Variants in PRRC2A observed in about 807,000 individuals in gnomAD.
PRRC2A encodes proline rich coiled-coil 2A.
PRRC2A carries 59 observed loss-of-function variants against 224.6 expected under a neutral mutation model. The ratio of observed to expected loss-of-function variants is 0.26; its 90% CI spans 0.21 to 0.33. The LOEUF (loss-of-function observed/expected upper bound fraction) is 0.33, where lower values mean the gene tolerates loss of function less well. Among genes scored for constraint, PRRC2A ranks in the 10% least tolerant of loss-of-function variants. The pLI is 1.00. For synonymous variants in PRRC2A, 1,194 were observed against 1,109.5 expected (o/e 1.08, Z -1.51); for missense variants, 3,095 against 2,880.7 (o/e 1.07, Z -1.70).
Position 31,627,147 on chromosome 6 carries a change from C to T in PRRC2A, c.1239C>T (p.Pro413=), listed in dbSNP as rs1182234321. 4.3e-6 allele frequency: 7 copies of T among 1,613,424 alleles called. No homozygotes were observed. The highest frequency in any genetic ancestry group is 4.5e-5 in the East Asian group (2 of 44,890). Reference sequence around the variant, plus strand: ...CTCCTGCCCCAAAGCCTCCCCTACCCCCACCTCACCGGGGCCCCGCCGGGA... The same window carrying T: ...CTCCTGCCCCAAAGCCTCCCCTACCTCCACCTCACCGGGGCCCCGCCGGGA... ...PGPPAPKPPL[P]PPHRGPAGNW... Residue 413 remains proline, a synonymous_variant, in exon 11 of 31, where the codon CCC becomes CCT. Transcript: ENST00000376033. The surrounding 1 kb of genome is among the most constrained non-coding windows in gnomAD (Gnocchi z 5.6).
In PRRC2A at chr6:31,631,499, A is replaced by C. The variant is rs915536625; in HGVS notation, c.2826A>C (p.Pro942=). 1.2e-6 allele frequency: 2 copies of C among 1,604,864 alleles called. No homozygotes were observed. The highest frequency in any genetic ancestry group is 1.7e-5 in the Admixed American group (1 of 57,532). Residue 942 remains proline, a synonymous_variant, in exon 16 of 31, where the codon CCA becomes CCC. Transcript: ENST00000376033. This position sits in a 1 kb window ranked among gnomAD's most constrained non-coding sequence, Gnocchi z 4.5. ...GTCGTGGAATCCCTCCAGAGGAGCC[A>C]GGGGCCCCACCCCGCCGGGCTGGGC... The part of the protein sequence containing the change: ...SSRRGIPPEE[P]GAPPRRAGPI...
Position 31,632,435 on chromosome 6 carries a change from G to A in PRRC2A, c.3762G>A (p.Pro1254=), listed in dbSNP as rs779126365. 1.1e-5 allele frequency: 17 copies of A among 1,605,410 alleles called. No individual in the cohort carries two copies. The highest frequency in any genetic ancestry group is 5.1e-5 in the Admixed American group (3 of 59,400). Residue 1254 remains proline, a synonymous_variant, in exon 16 of 31, where the codon CCG becomes CCA. Transcript: ENST00000376033. ...GGAGGGCTCAGCAGCAGGATAAACC[G>A]CCTCGTTTCCGGAGGCTGAAGCAGG... ...RHGRAQQQDK[P]PRFRRLKQER... is the part of the protein sequence containing the mutation.
At position 31,631,921 on chromosome 6, in the gene PRRC2A, C is replaced by A; in HGVS notation, c.3248C>A (p.Thr1083Asn). ...PNHPPAPRGR[T>N]ASETRSEGSE... ...CACCCTCCTGCTCCCCGAGGCCGCA[C>A]TGCCAGCGAGACACGGAGCGAGGGT... Residue 1083 changes from threonine to asparagine, a missense_variant, in exon 16 of 31, where the codon ACT becomes AAT. Thr to Asn is a moderately conservative substitution (Grantham distance 65). This residue lies in a region of PRRC2A where 2,001 missense variants were observed against 1,764.9 expected (regional missense o/e 1.13). Coordinates refer to ENST00000376033, the MANE Select transcript of PRRC2A (RefSeq NM_004638.4). This position sits in a 1 kb window ranked among gnomAD's most constrained non-coding sequence, Gnocchi z 4.5. 6.2e-7 allele frequency: 1 copy of A among 1,612,868 alleles called. No homozygotes were observed. Among genetic ancestry groups the A allele is most frequent in the Non-Finnish European group, 8.5e-7 (1 of 1,179,962 alleles).
intron 12 of PRRC2A, chr6:31,628,656 A>G (rs1179108909): frequency 2.2e-5 from 5 of 231,736 alleles, no homozygotes; most frequent in Non-Finnish European, 4.2e-5. Context: ...AGCCTGGCCA[A>G]CATAGTGAAA....
Position 31,631,142 on chromosome 6 carries a change from C to A in PRRC2A, c.2469C>A (p.Ser823Arg). Residue 823 changes from serine (S) to arginine (R), a missense_variant, in exon 16 of 31, where the codon AGC (serine) becomes AGA (arginine). This residue lies in a region of PRRC2A where 2,001 missense variants were observed against 1,764.9 expected (regional missense o/e 1.13). Transcript: ENST00000376033. The surrounding 1 kb of genome is among the most constrained non-coding windows in gnomAD (Gnocchi z 4.5). ...TTCTTTCTGTCTGTCTCTTCAGGAG[C>A]GAGACTCCTCCAGTACCTCCCCCAC... The part of the protein sequence containing the change: ...AADEDDKGMR[S>R]ETPPVPPPPP... The A allele has an allele frequency of 6.7e-7, 1 of 1,503,662 alleles. No individual in the cohort carries two copies. The highest frequency in any genetic ancestry group is 8.9e-7 in the Non-Finnish European group (1 of 1,119,036). The allele number at this position is 1,503,662 out of a possible 1,614,324, so 93.1% of individuals were successfully genotyped here.
intron 2 of PRRC2A, chr6:31,623,259 A>ATTTTTTTTTTTTT (rs3993756): frequency 3.8e-6 from 1 of 265,700 alleles, no homozygotes; most frequent in African/African-American, 4.0e-5. Flanking sequence ...GATTTCATAG[A>ATTTTTTTTTTTTT]TTTTTTTTTT....
At chr6:31,623,022 C>A in intron 2 of PRRC2A, 121 bp downstream of exon 2, 1 of 891,298 alleles carries the variant, frequency 1.1e-6, no homozygotes, top group South Asian at 1.3e-5. Flanking sequence ...GAGGAGATTT[C>A]CCAACTTTAC....
At chr6:31,634,026 C>T (rs1430667084) in intron 18 of PRRC2A, 37 bp downstream of exon 18, 1 of 1,590,248 alleles carries the variant, frequency 6.3e-7, no homozygotes. Flanking sequence ...TCACTGCACT[C>T]TTACTCGTGA....
chr6:31,630,239 C>T (rs1171870872), intron 14 of PRRC2A, among the ~76,000 whole-genome samples: 3 of 152,196 alleles, frequency 2.0e-5, no homozygotes, highest in Non-Finnish European at 2.9e-5. Flanking sequence ...AACGCTTGAA[C>T]CCAGGAGGTG....
At chr6:31,624,400 C>G in intron 4 of PRRC2A, 40 bp downstream of exon 4, 1 of 1,607,374 alleles carries the variant, frequency 6.2e-7, no homozygotes, top group Non-Finnish European at 8.5e-7. Context: ...AAGAATGGTT[C>G]ATAGCTGCCC....
rs994060219 is a variant in PRRC2A, at chr6:31,629,686, C to A, written c.2095C>A (p.Pro699Thr). ...AVPAPQAPPP[P>T]PKALYPGALG... ...GCCAGCTCCACAGGCTCCACCCCCG[C>A]CCCCCAAGGCCCTGTACCCAGGTGC... The change falls in exon 14 of 31, where the codon CCC becomes ACC. Residue 699 changes from proline to threonine, a missense_variant. Physicochemically the swap from Pro to Thr is conservative, Grantham distance 38. Around this residue, in one of 8 missense-constraint regions of PRRC2A, gnomAD observed 2,001 missense variants for 1,764.9 expected, o/e 1.13. Coordinates refer to ENST00000376033, the MANE Select transcript of PRRC2A (RefSeq NM_004638.4). 1.3e-6 allele frequency: 2 copies of A among 1,598,922 alleles called. No homozygotes were observed. Among genetic ancestry groups the A allele is most frequent in the South Asian group, 1.1e-5 (1 of 89,942 alleles).
rs1777210578 is a variant in PRRC2A at position 31,635,379 on chromosome 6, TTC to T, written c.5302-13_5302-12del. 6.2e-7 allele frequency: 1 copy of T among 1,614,050 alleles called. No homozygotes were observed. Among genetic ancestry groups the T allele is most frequent in the South Asian group, 1.1e-5 (1 of 91,094 alleles). On this transcript the variant is annotated splice_polypyrimidine_tract_variant and intron_variant, in intron 22 of 30. Coordinates refer to ENST00000376033, the MANE Select transcript of PRRC2A (RefSeq NM_004638.4). Reference sequence around the variant, plus strand: ...CTGTCACGGGACAATGTCTCCTGCCTTCTTGTGATCACAGGACTCAGACTTAC... The same window carrying T: ...CTGTCACGGGACAATGTCTCCTGCCTTTGTGATCACAGGACTCAGACTTAC...
Position 31,625,415 on chromosome 6 carries a change from G to T in PRRC2A, c.608-45G>T, listed in dbSNP as rs769719772. On this transcript the variant is annotated intron_variant, in intron 6 of 30. Transcript: ENST00000376033. This position sits in a 1 kb window ranked among gnomAD's most constrained non-coding sequence, Gnocchi z 4.1. Reference sequence around the variant, plus strand: ...CCATCACTTTCAGCTGTGTTCACTTGTCCTCCAATCATTGATACCTCTCTC... The same window carrying T: ...CCATCACTTTCAGCTGTGTTCACTTTTCCTCCAATCATTGATACCTCTCTC... 5.3e-5 allele frequency: 85 copies of T among 1,609,928 alleles called. No individual in the cohort carries two copies. Among genetic ancestry groups the T allele is most frequent in the Non-Finnish European group, 7.1e-5 (84 of 1,176,396 alleles).
chr6:31,625,146 C>T lies in PRRC2A; in HGVS notation c.464-25C>T, dbSNP rs985453066. The stretch of plus-strand genomic sequence containing the variant: ...GTCCTCAGGAAATGTCTTCTGTCTC[C>T]TGTTCTGCATCCCCATCCTAATAGG... On this transcript the variant is annotated intron_variant, in intron 5 of 30. Transcript: ENST00000376033. The surrounding 1 kb of genome is among the most constrained non-coding windows in gnomAD (Gnocchi z 4.1). 3 of 1,603,876 alleles carry T rather than the reference C, an allele frequency of 1.9e-6. No individual in the cohort carries two copies. Among genetic ancestry groups the T allele is most frequent in the African/African-American group, 1.3e-5 (1 of 74,726 alleles).
rs1458299457 is a variant in PRRC2A, at chr6:31,627,974, T to C, written c.1500T>C (p.Pro500=). 1.9e-6 allele frequency: 3 copies of C among 1,613,006 alleles called. No homozygotes were observed. The highest frequency in any genetic ancestry group is 2.5e-6 in the Non-Finnish European group (3 of 1,180,022). Residue 500 remains proline (P), a synonymous_variant, in exon 12 of 31, where the codon CCT becomes CCC. Coordinates refer to ENST00000376033, the MANE Select transcript of PRRC2A (RefSeq NM_004638.4). This position sits in a 1 kb window ranked among gnomAD's most constrained non-coding sequence, Gnocchi z 5.6. ...GACTCGATGAAAAGTTTGGGGCACCTGACAAGCGGCTCAAAGCAGAGCCTG... is the reference window on the plus strand; with the variant it reads ...GACTCGATGAAAAGTTTGGGGCACCCGACAAGCGGCTCAAAGCAGAGCCTG... The part of the protein sequence containing the change: ...LKRLDEKFGA[P]DKRLKAEPAA...
At chr6:31,621,217 GGC>G (rs1775243377) in intron 1 of PRRC2A, among the ~76,000 whole-genome samples, 2 of 137,960 alleles carry the variant, frequency 1.4e-5, no homozygotes, top group South Asian at 4.8e-4. Flanking sequence ...CGTGGTGGTG[GGC>G]CGCGCCCGAC....
chr6:31,629,315 G>A lies in PRRC2A; in HGVS notation c.1937G>A (p.Arg646His). The A allele has an allele frequency of 1.3e-6, 2 of 1,567,978 alleles. No individual in the cohort carries two copies. The highest frequency in any genetic ancestry group is 1.7e-6 in the Non-Finnish European group (2 of 1,157,796). The change falls in exon 13 of 31, where the codon CGT becomes CAT. Residue 646 changes from arginine to histidine, a missense_variant. Arg to His is a conservative substitution (Grantham distance 29). Around this residue, in one of 8 missense-constraint regions of PRRC2A, gnomAD observed 2,001 missense variants for 1,764.9 expected, o/e 1.13. Coordinates refer to ENST00000376033, the MANE Select transcript of PRRC2A (RefSeq NM_004638.4). ...AAATATCAGAAGTCGTTGCCTCCTC[G>A]TTTCCAGCGGCAGCAGCAGGTGAAA... The part of the protein sequence containing the change: ...YPKYQKSLPP[R>H]FQRQQQEQLL...
intron 14 of PRRC2A, 58 bp downstream of exon 14, chr6:31,629,903 A>G: frequency 6.3e-7 from 1 of 1,597,256 alleles, no homozygotes; most frequent in South Asian, 1.1e-5. Flanking sequence ...TAGGCATTGG[A>G]TATTAGGGTC....
Position 31,626,137 on chromosome 6 carries a change from T to A in PRRC2A, c.957T>A (p.Asp319Glu). 4 of 1,612,810 alleles carry A rather than the reference T, an allele frequency of 2.5e-6. No individual in the cohort carries two copies. Among genetic ancestry groups the A allele is most frequent in the Non-Finnish European group, 3.4e-6 (4 of 1,179,924 alleles). ...EDNLKEFDQL[D>E]QENDDGWAGA... is the part of the protein sequence containing the mutation. The stretch of plus-strand genomic sequence containing the variant: ...ATCTCAAAGAGTTTGATCAGTTGGA[T>A]CAGGAGAATGATGATGGTTGGGCAG... Residue 319 changes from aspartate to glutamate, a missense_variant, in exon 9 of 31, where the codon GAT (aspartate) becomes GAA (glutamate). Asp to Glu is a conservative substitution (Grantham distance 45). Around this residue, in one of 8 missense-constraint regions of PRRC2A, gnomAD observed 287 missense variants for 275.3 expected, o/e 1.04. Coordinates refer to ENST00000376033, the MANE Select transcript of PRRC2A (RefSeq NM_004638.4).
Sources: gnomAD v4.1 joint callset for allele counts (sites outside exome capture counted in the v4.1 genomes callset) on GRCh38, gnomAD v4.1.1 for gene constraint, gnomAD v4.1.1 regional missense constraint, Gnocchi (gnomAD v3.1) non-coding constraint, MANE v1.5 for transcripts, NCBI Gene and HGNC (gene_info 2026-07-23, HGNC 2026-07-21) for gene names.